Variants in NDUFAF2 observed in about 807,000 individuals in gnomAD.
The protein encoded by NDUFAF2 is NADH:ubiquinone oxidoreductase complex assembly factor 2.
NDUFAF2 carries 13 observed loss-of-function variants against 22.8 expected under a neutral mutation model. That is an observed-to-expected ratio of 0.57 (90% confidence interval 0.37 to 0.91). The LOEUF (loss-of-function observed/expected upper bound fraction) is 0.91, where lower values mean the gene tolerates loss of function less well. Among genes scored for constraint, NDUFAF2 ranks in the 40% least tolerant of loss-of-function variants. The pLI is 0.01. For missense variants in NDUFAF2, 162 were observed against 195.2 expected, an observed-to-expected ratio of 0.83 and a Z score of 1.01; for synonymous variants, 53 against 64.2, an observed-to-expected ratio of 0.83 and a Z score of 0.84.
chr5:61,006,526 C>T (rs537195447), intron 1 of NDUFAF2, among the ~76,000 whole-genome samples: 1 of 152,040 alleles, frequency 6.6e-6, no homozygotes, highest in Non-Finnish European at 1.5e-5. Flanking sequence ...TATAAATTAC[C>T]TTGGGCAGTG....
chr5:61,082,783 T>C (rs1185692498), intron 2 of NDUFAF2, among the ~76,000 whole-genome samples: 4 of 152,216 alleles, frequency 2.6e-5, no homozygotes, highest in African/African-American at 7.2e-5. Context: ...GATGGGTATC[T>C]AAGTTGATTC....
intron 3 of NDUFAF2, among the ~76,000 whole-genome samples, chr5:61,130,499 G>T (rs1376672708): frequency 6.6e-6 from 1 of 152,066 alleles, no homozygotes; most frequent in Non-Finnish European, 1.5e-5. Context: ...TATATAACTT[G>T]CCTGACTCAC....
rs55910021 is a variant in NDUFAF2, at chr5:61,040,251, GACACACAC to G, written c.128-32845_128-32838del. Among the ~76,000 whole-genome samples, 168 of 131,946 alleles carry G rather than the reference GACACACAC, an allele frequency of 1.3e-3. 4 individuals are homozygous for G. The East Asian group carries it at 0.025, about 20-fold the overall frequency. 86.6% of individuals were successfully genotyped at this position (131,946 alleles called of 152,430 possible). ...TGGTATCTTTATAGGAAGAGGAAAG[GACACACAC>G]ACACACACACACACACACACACACA... On this transcript the variant is annotated intron_variant, in intron 1 of 3. Transcript: ENST00000296597.
chr5:61,090,100 T>C (rs1010062539), intron 2 of NDUFAF2, among the ~76,000 whole-genome samples: 1 of 152,098 alleles, frequency 6.6e-6, no homozygotes, highest in Non-Finnish European at 1.5e-5. Flanking sequence ...TGGTAATCAT[T>C]AGTTAAAAGT....
chr5:61,040,278 A>ACGCG (rs1469467028), intron 1 of NDUFAF2, among the ~76,000 whole-genome samples: 6 of 128,864 alleles, frequency 4.7e-5, no homozygotes, highest in African/African-American at 1.9e-4. Context: ...ACACACACAC[A>ACGCG]CACACACACG....
At chr5:60,971,489 G>T (rs1276034446) in intron 1 of NDUFAF2, among the ~76,000 whole-genome samples, 1 of 151,504 alleles carries the variant, frequency 6.6e-6, no homozygotes, top group African/African-American at 2.4e-5. Flanking sequence ...GGGTTTCACC[G>T]TGTTAGCCAG....
chr5:60,953,653 G>A (rs1193924254), intron 1 of NDUFAF2, among the ~76,000 whole-genome samples: 2 of 152,110 alleles, frequency 1.3e-5, no homozygotes, highest in Non-Finnish European at 2.9e-5. Context: ...AGTTTCTACT[G>A]CAGTCATAGT....
At chr5:61,004,565 T>G (rs1287754676) in intron 1 of NDUFAF2, among the ~76,000 whole-genome samples, 1 of 152,152 alleles carries the variant, frequency 6.6e-6, no homozygotes, top group Non-Finnish European at 1.5e-5. Flanking sequence ...TGGAATAACA[T>G]GAAAATATGT....
chr5:61,150,785 G>C (rs1741223964), intron 3 of NDUFAF2, among the ~76,000 whole-genome samples: 1 of 152,088 alleles, frequency 6.6e-6, no homozygotes, highest in African/African-American at 2.4e-5. Flanking sequence ...TCCAAAGAAC[G>C]AACTTCCATT....
At chr5:61,067,601 G>A (rs1359364314) in intron 1 of NDUFAF2, among the ~76,000 whole-genome samples, 4 of 152,052 alleles carry the variant, frequency 2.6e-5, no homozygotes, top group African/African-American at 7.2e-5. Context: ...GCTATTGTGA[G>A]TAGTGCCACA....
chr5:61,097,632 G>C (rs575959499), intron 2 of NDUFAF2, among the ~76,000 whole-genome samples: 1 of 152,284 alleles, frequency 6.6e-6, no homozygotes, highest in Admixed American at 6.5e-5. Flanking sequence ...ATTCCCAGTC[G>C]CTAATTATAT....
intron 1 of NDUFAF2, among the ~76,000 whole-genome samples, chr5:61,037,297 G>T (rs1401970643): frequency 6.6e-6 from 1 of 152,156 alleles, no homozygotes; most frequent in East Asian, 1.9e-4. Context: ...CTTAAACTTG[G>T]TTATAAAGGG....
intron 1 of NDUFAF2, among the ~76,000 whole-genome samples, chr5:61,030,465 C>T (rs1374662067): frequency 6.6e-6 from 1 of 152,102 alleles, no homozygotes; most frequent in East Asian, 1.9e-4. Flanking sequence ...CTGTCAACAA[C>T]AGATCTCAGC....
intron 3 of NDUFAF2, among the ~76,000 whole-genome samples, chr5:61,152,232 G>A (rs1741252694): frequency 6.6e-6 from 1 of 151,984 alleles, no homozygotes; most frequent in African/African-American, 2.4e-5. Flanking sequence ...ATTAATAGAT[G>A]AGGCTTGGTT....
chr5:61,107,805 A>C, intron 3 of NDUFAF2, among the ~76,000 whole-genome samples: 1 of 130,210 alleles, frequency 7.7e-6, no homozygotes, highest in African/African-American at 2.9e-5. Flanking sequence ...TCCCAATGCT[A>C]TCCCTCCCCC....
At chr5:60,984,567 G>A (rs75885473) in intron 1 of NDUFAF2, among the ~76,000 whole-genome samples, 86,832 of 151,836 alleles carry the variant, frequency 0.57, 26,097 homozygotes, top group East Asian at 0.94. Context: ...TTTGAGATAC[G>A]TCCCATCAAT....
chr5:61,078,888 C>A (rs1189056680), intron 2 of NDUFAF2, among the ~76,000 whole-genome samples: 1 of 152,174 alleles, frequency 6.6e-6, no homozygotes, highest in Non-Finnish European at 1.5e-5. Flanking sequence ...TAGAGGCTCT[C>A]ATATTTGTCT....
intron 1 of NDUFAF2, among the ~76,000 whole-genome samples, chr5:60,950,259 T>C (rs559512193): frequency 6.6e-6 from 1 of 152,296 alleles, no homozygotes; most frequent in Non-Finnish European, 1.5e-5. Context: ...TGATCTTGGC[T>C]CATTGCAACC....
intron 1 of NDUFAF2, among the ~76,000 whole-genome samples, chr5:61,014,510 TGAG>T (rs566543615): frequency 2.0e-5 from 3 of 152,226 alleles, no homozygotes; most frequent in African/African-American, 7.2e-5. Context: ...TTATCAGACT[TGAG>T]GAGGGAGTCC....
Sources: allele counts gnomAD v4.1 joint callset (sites outside exome capture counted in the v4.1 genomes callset), GRCh38; gene constraint gnomAD v4.1.1; transcripts MANE v1.5; gene names NCBI Gene and HGNC (gene_info 2026-07-23, HGNC 2026-07-21).